The following MCF2 variants were observed in gnomAD, a reference collection of about 807,000 sequenced individuals.
MCF2 encodes the protein proto-oncogene DBL.
MCF2 carries 44 observed loss-of-function variants against 82.5 expected under a neutral mutation model. The observed-to-expected ratio is 0.53, with a 90% CI of 0.42 to 0.69. The LOEUF is 0.69. Ranked by LOEUF, MCF2 falls within the 30% of genes least tolerant of loss-of-function variation. MCF2 has a pLI of 0.00. For synonymous variants in MCF2, 217 were observed against 224.9 expected (o/e 0.96, Z 0.32); for missense variants, 623 against 663.1 (o/e 0.94, Z 0.66).
intron 1 of MCF2, among the ~76,000 whole-genome samples, chrX:139,701,861 T>C (rs1398417621): frequency 8.9e-6 from 1 of 112,598 alleles, no homozygotes; most frequent in Non-Finnish European, 1.9e-5. Context: ...AGTCACCAAA[T>C]GCAAAAGAAG....
rs188213727 is a variant in MCF2 at position 139,656,360 on chromosome X, C to A, written c.-44-4572G>T. The stretch of plus-strand genomic sequence containing the variant: ...TACAGGCGTGAGCCACCGCACCCGG[C>A]CAGTAAATGCTTTTTAAGGTACCCT... On this transcript the variant is annotated intron_variant, in intron 1 of 27. Transcript: ENST00000414978. Among the ~76,000 whole-genome samples, 549 of 112,257 alleles carry A rather than the reference C, an allele frequency of 4.9e-3. 1 individual carries two copies. Among genetic ancestry groups the A allele is most frequent in the Non-Finnish European group, 6.5e-3 (345 of 53,256 alleles).
At chrX:139,637,830 G>T (rs945589130) in intron 1 of MCF2, among the ~76,000 whole-genome samples, 75 of 111,388 alleles carry the variant, frequency 6.7e-4, no homozygotes, top group African/African-American at 2.2e-3. Flanking sequence ...TTGATATGGG[G>T]AGATTATCCG....
intron 23 of MCF2, among the ~76,000 whole-genome samples, chrX:139,586,167 T>C (rs2076498): frequency 1.8e-5 from 2 of 111,500 alleles, no homozygotes; most frequent in Admixed American, 1.9e-4. Flanking sequence ...TGATGTTGAT[T>C]CTAGTGGTCC....
At chrX:139,647,247 A>G (rs759490451), upstream of MCF2, among the ~76,000 whole-genome samples, 32 of 112,005 alleles carry the variant, frequency 2.9e-4, no homozygotes, top group Non-Finnish European at 5.3e-4. Context: ...CAATGAGCCT[A>G]AATTTAAAAT....
chrX:139,705,942 T>A (rs900425955), intron 1 of MCF2, among the ~76,000 whole-genome samples: 4 of 112,094 alleles, frequency 3.6e-5, no homozygotes, highest in Admixed American at 9.4e-5. Context: ...GACATACAAA[T>A]GGCCAACAAA....
Position 139,689,463 on chromosome X carries a change from A to G in MCF2, c.-45+18643T>C, listed in dbSNP as rs184095696. On this transcript the variant is annotated intron_variant, in intron 1 of 27. Coordinates refer to the MCF2 transcript ENST00000414978. ...AGCTTTCTCTATTGCCCTGCTTACA[A>G]CACTCCAGTGGCTTCCGATTGCTCT... Among the ~76,000 whole-genome samples, 257 of 110,689 alleles carry G rather than the reference A, an allele frequency of 2.3e-3. 2 individuals carry two copies. The highest frequency in any genetic ancestry group is 3.9e-3 in the Non-Finnish European group (207 of 52,962).
chrX:139,696,634 G>A (rs187402248), intron 1 of MCF2, among the ~76,000 whole-genome samples: 1 of 110,839 alleles, frequency 9.0e-6, no homozygotes, highest in Non-Finnish European at 1.9e-5. Flanking sequence ...TCGCCATGTT[G>A]GCCAGGCTAG....
intron 1 of MCF2, among the ~76,000 whole-genome samples, chrX:139,692,346 T>A (rs1358110095): frequency 9.1e-6 from 1 of 109,906 alleles, no homozygotes; most frequent in African/African-American, 3.3e-5. Context: ...GCCCCCCTAG[T>A]AGGGACAGAG....
intron 6 of MCF2, among the ~76,000 whole-genome samples, chrX:139,620,790 C>T (rs1307910126): frequency 1.8e-5 from 2 of 111,571 alleles, no homozygotes; most frequent in South Asian, 7.4e-4. Context: ...GCCATACTGT[C>T]CAAAATAATC....
chrX:139,614,786 T>C, intron 10 of MCF2, 95 bp downstream of exon 13: 2 of 825,674 alleles, frequency 2.4e-6, no homozygotes, highest in Non-Finnish European at 3.5e-6. Flanking sequence ...AATTTTCATC[T>C]ATCCGCATTG....
At chrX:139,665,897 G>GTATATATATA (rs761065038) in intron 1 of MCF2, among the ~76,000 whole-genome samples, 21 of 68,547 alleles carry the variant, frequency 3.1e-4, no homozygotes, top group South Asian at 6.7e-4. Context: ...AGGTGTGTGT[G>GTATATATATA]TATATATATA....
intron 1 of MCF2, among the ~76,000 whole-genome samples, chrX:139,698,495 C>G (rs957297506): frequency 8.9e-6 from 1 of 111,884 alleles, no homozygotes; most frequent in Non-Finnish European, 1.9e-5. Flanking sequence ...GCCACCCAAT[C>G]AAATATTTAC....
At chrX:139,626,420 C>T (rs1932762792) in intron 5 of MCF2, 113 bp from the exon 9 acceptor site, 1 of 581,603 alleles carries the variant, frequency 1.7e-6, no homozygotes, top group African/African-American at 2.3e-5. Flanking sequence ...GCCCATGACA[C>T]TTGGTTCTAC....
At chrX:139,679,121 C>T (rs1326054971) in intron 1 of MCF2, among the ~76,000 whole-genome samples, 1 of 112,388 alleles carries the variant, frequency 8.9e-6, no homozygotes, top group African/African-American at 3.2e-5. Flanking sequence ...TGTACAATGT[C>T]AACCCAAACT....
intron 1 of MCF2, among the ~76,000 whole-genome samples, chrX:139,704,965 G>A (rs976296599): frequency 3.6e-5 from 4 of 110,903 alleles, no homozygotes; most frequent in African/African-American, 6.5e-5. Flanking sequence ...GAACAAAGAC[G>A]GAGGCATCAC....
At chrX:139,666,153 T>C (rs1934513479) in intron 1 of MCF2, among the ~76,000 whole-genome samples, 1 of 108,483 alleles carries the variant, frequency 9.2e-6, no homozygotes, top group South Asian at 4.0e-4. Context: ...AATTAAGTTA[T>C]TATTGACTAT....
chrX:139,588,109 A>G (rs1929146722), intron 21 of MCF2, among the ~76,000 whole-genome samples: 1 of 111,669 alleles, frequency 9.0e-6, no homozygotes, highest in South Asian at 3.8e-4. Flanking sequence ...GATTACCACA[A>G]TCAGTTCACT....
At chrX:139,605,120 C>G in intron 13 of MCF2, 136 bp from the exon 18 acceptor site, 1 of 237,302 alleles carries the variant, frequency 4.2e-6, no homozygotes, top group Non-Finnish European at 7.7e-6. Context: ...AATTTTAATT[C>G]AATTCAAATC....
At chrX:139,593,568 G>A (rs1342756662) in intron 19 of MCF2, among the ~76,000 whole-genome samples, 1 of 110,721 alleles carries the variant, frequency 9.0e-6, no homozygotes, top group African/African-American at 3.3e-5. Context: ...CCAAAGCCGG[G>A]CAGAGACACA....
Sources: gnomAD v4.1 joint callset for allele counts (sites outside exome capture counted in the v4.1 genomes callset) on GRCh38, gnomAD v4.1.1 for gene constraint, MANE v1.5 for transcripts, NCBI Gene and HGNC (gene_info 2026-07-23, HGNC 2026-07-21) for gene names.